Variants in MAP3K9 observed in about 807,000 individuals in gnomAD.
MAP3K9 encodes mitogen-activated protein kinase kinase kinase 9, also known as mixed lineage kinase 1 (tyr and ser/thr specificity).
MAP3K9 carries 46 observed loss-of-function variants against 95.8 expected under a neutral mutation model. The ratio of observed to expected loss-of-function variants is 0.48; its 90% CI spans 0.38 to 0.61. The LOEUF (loss-of-function observed/expected upper bound fraction) is 0.61. Ranked by LOEUF, MAP3K9 falls within the 20% of genes least tolerant of loss-of-function variation. The pLI is 0.00. For synonymous variants in MAP3K9, 533 were observed against 593.8 expected (o/e 0.90, Z 1.49); for missense variants, 1,296 against 1,474.3 (o/e 0.88, Z 1.98).
chr14:70,730,787 G>C lies in MAP3K9; in HGVS notation c.2908C>G (p.Pro970Ala), dbSNP rs775676672. 9 of 1,613,490 alleles carry C rather than the reference G, an allele frequency of 5.6e-6. No homozygotes were observed. The East Asian group carries it at 1.1e-4, about 20-fold the overall frequency. ...RLPDPNVVFP[P>A]TPRRWNTQQD... ...TGAGTGTTCCAGCGCCTTGGGGTTG[G>C]GGGGAAGACCACATTGGGGTCAGGG... Residue 970 changes from proline to alanine, a missense_variant, in exon 12 of 12, where the codon CCA (proline) becomes GCA (alanine). By Grantham distance (27) the Pro-to-Ala change is conservative. Around this residue, in one of 5 missense-constraint regions of MAP3K9, gnomAD observed 433 missense variants for 441.4 expected, o/e 0.98. Transcript: ENST00000554752.
In MAP3K9 at chr14:70,809,047, G is replaced by C. The variant is rs199678931; in HGVS notation, c.125C>G (p.Ala42Gly). 781 of 1,439,572 alleles carry C rather than the reference G, an allele frequency of 5.4e-4. 2 individuals are homozygous for C. The African/African-American group carries it at 0.01, about 19-fold the overall frequency. The allele number at this position is 1,439,572 out of a possible 1,614,324, so 89.2% of individuals were successfully genotyped here. The change falls in exon 1 of 12, where the codon GCG (alanine) becomes GGG (glycine). Residue 42 changes from alanine to glycine, a missense_variant. Transcript: ENST00000554752. ...GCAGCCCAGCTCCCCGGGGCCCACCGCCGCCGCCGCCTCCTCCTCCTCCTC... is the reference window on the plus strand; with the variant it reads ...GCAGCCCAGCTCCCCGGGGCCCACCCCCGCCGCCGCCTCCTCCTCCTCCTC... ...EEEEEEEAAA[A>G]VGPGELGCDA...
chr14:70,750,188 G>A, intron 3 of MAP3K9, 107 bp from the exon 4 acceptor site: 2 of 1,003,594 alleles, frequency 2.0e-6, no homozygotes, highest in East Asian at 2.5e-5. Context: ...AACAGATAGT[G>A]AGACTAATGA....
chr14:70,753,744 C>A (rs1428186203), intron 3 of MAP3K9, among the ~76,000 whole-genome samples: 2 of 152,216 alleles, frequency 1.3e-5, no homozygotes. Flanking sequence ...ACCCAACCCT[C>A]ACAAAATTTA....
At chr14:70,782,023 T>C (rs2054683945) in intron 2 of MAP3K9, among the ~76,000 whole-genome samples, 5 of 152,222 alleles carry the variant, frequency 3.3e-5, no homozygotes, top group Admixed American at 2.6e-4. Context: ...GTCATAGCTA[T>C]GGCCTACCTG....
intron 7 of MAP3K9, among the ~76,000 whole-genome samples, chr14:70,739,456 T>C (rs1227912197): frequency 6.6e-6 from 1 of 152,178 alleles, no homozygotes; most frequent in Non-Finnish European, 1.5e-5. Context: ...AAATAAAATC[T>C]GTCTTTAAAC....
intron 2 of MAP3K9, among the ~76,000 whole-genome samples, chr14:70,773,160 T>C (rs1235302521): frequency 6.6e-6 from 1 of 152,164 alleles, no homozygotes; most frequent in African/African-American, 2.4e-5. Context: ...GCTGCAACTA[T>C]AAGCACGTTA....
At chr14:70,802,463 A>C (rs143439147) in intron 1 of MAP3K9, among the ~76,000 whole-genome samples, 1 of 152,358 alleles carries the variant, frequency 6.6e-6, no homozygotes, top group Non-Finnish European at 1.5e-5. Flanking sequence ...AGATAATAAT[A>C]GCTGCCAGTG....
chr14:70,738,467 T>C (rs2054017696), intron 7 of MAP3K9, 69 bp from the exon 8 acceptor site: 11 of 1,389,182 alleles, frequency 7.9e-6, no homozygotes, highest in Non-Finnish European at 8.1e-6. Context: ...CTAGCCTCTA[T>C]ACCACCACAC....
chr14:70,744,006 C>T (rs1456524552), intron 5 of MAP3K9, among the ~76,000 whole-genome samples: 1 of 152,124 alleles, frequency 6.6e-6, no homozygotes, highest in Non-Finnish European at 1.5e-5. Flanking sequence ...ACATATATAC[C>T]ATGATACTAT....
chr14:70,798,471 GTTTTTTTT>G (rs1170327816), intron 2 of MAP3K9, among the ~76,000 whole-genome samples: 10 of 65,434 alleles, frequency 1.5e-4, no homozygotes, highest in East Asian at 4.7e-4. Context: ...GTCACCAAAA[GTTTTTTTT>G]TTTTTTTTTT....
At chr14:70,794,038 T>C (rs12586899) in intron 2 of MAP3K9, among the ~76,000 whole-genome samples, 2,762 of 152,216 alleles carry the variant, frequency 0.018, 54 homozygotes, top group East Asian at 0.094. Flanking sequence ...AGCAAGGATA[T>C]GTGATGGGCT....
intron 6 of MAP3K9, among the ~76,000 whole-genome samples, chr14:70,741,027 A>G (rs1194864599): frequency 1.3e-5 from 2 of 152,230 alleles, no homozygotes; most frequent in Non-Finnish European, 2.9e-5. Flanking sequence ...TACTTAATTA[A>G]GCCACCATTT....
Position 70,728,255 on chromosome 14 carries a change from G to T in MAP3K9, c.*2125C>A. The T allele has an allele frequency of 6.6e-6, 1 of 151,170 alleles. No homozygotes were observed. The highest frequency in any genetic ancestry group is 1.5e-5 in the Non-Finnish European group (1 of 68,004). The allele number at this position is 151,170 out of a possible 1,614,324, so 9.4% of individuals were successfully genotyped here. On this transcript the variant is annotated 3_prime_UTR_variant, in exon 12 of 12. Transcript: ENST00000554752. The stretch of plus-strand genomic sequence containing the variant: ...TCCTGCCTCAGCCTTGCGAGTAGCT[G>T]GGATTACAGGCACGTGCCACCATGC...
chr14:70,778,464 C>T (rs1309784963), intron 2 of MAP3K9, among the ~76,000 whole-genome samples: 2 of 151,952 alleles, frequency 1.3e-5, no homozygotes, highest in East Asian at 1.9e-4. Context: ...TTAGCAGAGA[C>T]GGGGTTTCGC....
At chr14:70,749,762 T>C in intron 4 of MAP3K9, 171 bp downstream of exon 4, 1 of 672,864 alleles carries the variant, frequency 1.5e-6, no homozygotes, top group East Asian at 2.7e-5. Context: ...TGCAGCAGGG[T>C]GTGGATGTCA....
At chr14:70,739,875 G>A in intron 7 of MAP3K9, 167 bp downstream of exon 7, 2 of 1,566,374 alleles carry the variant, frequency 1.3e-6, no homozygotes, top group Non-Finnish European at 1.7e-6. Flanking sequence ...AGAGACAAGG[G>A]AGAGGGCTAA....
chr14:70,751,507 T>C (rs2054227380), intron 3 of MAP3K9, among the ~76,000 whole-genome samples: 2 of 152,152 alleles, frequency 1.3e-5, no homozygotes, highest in African/African-American at 4.8e-5. Context: ...TCACTTGAGG[T>C]CAGGAGTTCA....
intron 2 of MAP3K9, among the ~76,000 whole-genome samples, chr14:70,763,745 T>C (rs948354994): frequency 2.0e-5 from 3 of 152,126 alleles, no homozygotes; most frequent in African/African-American, 7.2e-5. Context: ...TTGTCCAGGC[T>C]GGTCTCAAGC....
chr14:70,793,652 T>TTTCATTCATTCA (rs10672359), intron 2 of MAP3K9, among the ~76,000 whole-genome samples: 148 of 150,492 alleles, frequency 9.8e-4, no homozygotes, highest in South Asian at 7.0e-3. Flanking sequence ...TCACATGATA[T>TTTCATTCATTCA]TTCATTCATT....
Sources: allele counts gnomAD v4.1 joint callset (sites outside exome capture counted in the v4.1 genomes callset), GRCh38; gene constraint gnomAD v4.1.1; regional missense constraint gnomAD v4.1.1; transcripts MANE v1.5; gene names NCBI Gene and HGNC (gene_info 2026-07-23, HGNC 2026-07-21).